The following VPS13B variants were observed in gnomAD, a reference collection of about 807,000 sequenced individuals.
VPS13B encodes the protein vacuolar protein sorting 13 homolog B, also known as intermembrane lipid transfer protein VPS13B.
Under a neutral mutation model 426.4 loss-of-function variants are expected in VPS13B, and 285 were observed. The observed-to-expected ratio is 0.67, with a 90% CI of 0.61 to 0.74. The LOEUF (loss-of-function observed/expected upper bound fraction) is 0.74, where lower values mean the gene tolerates loss of function less well. Among genes scored for constraint, VPS13B ranks in the 30% least tolerant of loss-of-function variants. The pLI, the probability that VPS13B is intolerant of heterozygous loss-of-function variation, is 0.00. For synonymous variants in VPS13B, 1,676 were observed against 1,676.4 expected (o/e 1.00, Z 0.01); for missense variants, 4,537 against 4,782.6 (o/e 0.95, Z 1.51).
At chr8:99,631,518 A>G (rs1828845883) in intron 33 of VPS13B, among the ~76,000 whole-genome samples, 1 of 152,114 alleles carries the variant, frequency 6.6e-6, no homozygotes, top group South Asian at 2.1e-4. Flanking sequence ...CAAAATAGGC[A>G]AAGTTTGGAA....
At chr8:99,736,228 A>G (rs1379576659) in intron 39 of VPS13B, among the ~76,000 whole-genome samples, 1 of 152,140 alleles carries the variant, frequency 6.6e-6, no homozygotes, top group Non-Finnish European at 1.5e-5. Context: ...TTATAGGTAG[A>G]GAGTTGAGTG....
chr8:99,323,969 A>G (rs1454547734), intron 19 of VPS13B, among the ~76,000 whole-genome samples: 2 of 152,200 alleles, frequency 1.3e-5, no homozygotes, highest in Non-Finnish European at 2.9e-5. Flanking sequence ...AAAACTGGCA[A>G]AGGACTCCCA....
chr8:99,101,531 CATTT>C (rs745643119), intron 4 of VPS13B, among the ~76,000 whole-genome samples: 4 of 152,278 alleles, frequency 2.6e-5, no homozygotes, highest in Non-Finnish European at 5.9e-5. Context: ...TTGGAGGTCT[CATTT>C]ATTAAGAATT....
intron 19 of VPS13B, among the ~76,000 whole-genome samples, chr8:99,375,408 A>G (rs1177460099): frequency 6.6e-6 from 1 of 152,220 alleles, no homozygotes; most frequent in African/African-American, 2.4e-5. Context: ...TGTTGCTACA[A>G]TGGGATAGAA....
At chr8:99,136,972 C>A (rs1190171644) in intron 12 of VPS13B, among the ~76,000 whole-genome samples, 2 of 151,996 alleles carry the variant, frequency 1.3e-5, no homozygotes, top group Non-Finnish European at 2.9e-5. Flanking sequence ...TTTTGTATAA[C>A]CTGTTAGAAT....
rs2133668316 is a variant in VPS13B at position 99,520,960 on chromosome 8, C to T, written c.4695C>T (p.Pro1565=). 6.2e-7 allele frequency: 1 copy of T among 1,613,722 alleles called. No individual in the cohort carries two copies. Among genetic ancestry groups the T allele is most frequent in the Admixed American group, 1.7e-5 (1 of 60,014 alleles). The change falls in exon 30 of 62, where the codon CCC becomes CCT. Residue 1565 remains proline, a synonymous_variant. Coordinates refer to ENST00000357162, the MANE Select transcript of VPS13B (RefSeq NM_152564.5). ...VLKIGSVAMA[P]QADNPLGRSV... ...AGATTGGCTCTGTTGCCATGGCTCC[C>T]CAGGCTGACAATCCCCTTGGCAGAT... is the stretch of plus-strand genomic sequence containing the variant.
chr8:99,249,166 C>T (rs571907557), intron 17 of VPS13B, among the ~76,000 whole-genome samples: 1 of 142,576 alleles, frequency 7.0e-6, no homozygotes, highest in Non-Finnish European at 1.6e-5. Flanking sequence ...TTTTGGTTTT[C>T]GCCACAGATC....
intron 19 of VPS13B, among the ~76,000 whole-genome samples, chr8:99,343,056 C>T (rs1446829971): frequency 6.6e-6 from 1 of 151,398 alleles, no homozygotes; most frequent in Non-Finnish European, 1.5e-5. Context: ...TTTTGAGAGA[C>T]ACAAATGGCA....
chr8:99,335,902 G>A (rs1358580458), intron 19 of VPS13B, among the ~76,000 whole-genome samples: 1 of 152,246 alleles, frequency 6.6e-6, no homozygotes, highest in South Asian at 2.1e-4. Flanking sequence ...ATGCTCATGG[G>A]TAGGAAGAAT....
At position 99,853,859 on chromosome 8, in the gene VPS13B, C is replaced by A. The variant is rs372875604; in HGVS notation, c.10470C>A (p.Ile3490=). The stretch of plus-strand genomic sequence containing the variant: ...TCACCTTAAATGAAGGCAAGAGCAT[C>A]CTCTGTGATATTAATGAGTTCAGCT... ...LCITLNEGKS[I]LCDINEFSFE... Residue 3490 remains isoleucine (I), a synonymous_variant, in exon 56 of 62, where the codon ATC becomes ATA. Coordinates refer to ENST00000357162, the MANE Select transcript of VPS13B (RefSeq NM_152564.5). 33 of 1,614,084 alleles carry A rather than the reference C, an allele frequency of 2.0e-5. No homozygotes were observed. The highest frequency in any genetic ancestry group is 2.8e-5 in the Non-Finnish European group (33 of 1,180,044).
intron 33 of VPS13B, among the ~76,000 whole-genome samples, chr8:99,640,086 GAAAAGAAAA>G (rs1423362003): frequency 6.8e-6 from 1 of 147,570 alleles, no homozygotes; most frequent in African/African-American, 2.5e-5. Context: ...GAAAAGAAAA[GAAAAGAAAA>G]GAAAAGAAAA....
At chr8:99,465,962 G>A (rs746028255) in intron 23 of VPS13B, among the ~76,000 whole-genome samples, 1 of 152,048 alleles carries the variant, frequency 6.6e-6, no homozygotes, top group Non-Finnish European at 1.5e-5. Flanking sequence ...ATTTGGTCAA[G>A]ACATTTTTAA....
In VPS13B at chr8:99,661,377, G is replaced by A; in HGVS notation, c.5932G>A (p.Ala1978Thr). Residue 1978 changes from alanine (A) to threonine (T), a missense_variant, in exon 35 of 62, where the codon GCC becomes ACC. Physicochemically the swap from Ala to Thr is moderately conservative, Grantham distance 58. This residue lies in a region of VPS13B where 4,311 missense variants were observed against 4,474.3 expected (regional missense o/e 0.96). Coordinates refer to ENST00000357162, the MANE Select transcript of VPS13B (RefSeq NM_152564.5). ...AGATCCTGGGAAGACTCTGCCTGAA[G>A]CCCTTGATTATTGCACTGTTTGGCT... Reference protein sequence around the residue: ...CIDPGKTLPEALDYCTVWLQT... With the variant: ...CIDPGKTLPETLDYCTVWLQT... 6.2e-7 allele frequency: 1 copy of A among 1,613,676 alleles called. No homozygotes were observed. The highest frequency in any genetic ancestry group is 1.3e-5 in the African/African-American group (1 of 75,028).
intron 19 of VPS13B, among the ~76,000 whole-genome samples, chr8:99,306,966 C>A (rs1246100258): frequency 6.6e-6 from 1 of 152,010 alleles, no homozygotes; most frequent in Non-Finnish European, 1.5e-5. Flanking sequence ...TGTGTGAGGT[C>A]TTTTTGAGCT....
At chr8:99,263,484 G>A (rs1818153114) in intron 17 of VPS13B, among the ~76,000 whole-genome samples, 1 of 152,174 alleles carries the variant, frequency 6.6e-6, no homozygotes, top group Non-Finnish European at 1.5e-5. Flanking sequence ...AAATCAAGGT[G>A]TCAGTTGGGC....
intron 39 of VPS13B, among the ~76,000 whole-genome samples, chr8:99,737,311 G>A (rs1047345662): frequency 6.6e-6 from 1 of 151,022 alleles, no homozygotes; most frequent in Non-Finnish European, 1.5e-5. Context: ...CAGTAGAGAC[G>A]GGGTTTCACC....
intron 35 of VPS13B, among the ~76,000 whole-genome samples, chr8:99,671,911 C>A (rs1830733423): frequency 6.6e-6 from 1 of 152,058 alleles, no homozygotes; most frequent in African/African-American, 2.4e-5. Flanking sequence ...TTCTTGACAC[C>A]TTTGTTGAGA....
At chr8:99,095,978 A>C (rs753205405) in intron 3 of VPS13B, among the ~76,000 whole-genome samples, 19 of 152,162 alleles carry the variant, frequency 1.2e-4, no homozygotes, top group Non-Finnish European at 2.6e-4. Context: ...ACTTACATAG[A>C]GATGGATGTT....
intron 22 of VPS13B, among the ~76,000 whole-genome samples, chr8:99,438,431 G>T (rs1335753907): frequency 2.6e-5 from 4 of 152,084 alleles, no homozygotes; most frequent in Non-Finnish European, 5.9e-5. Flanking sequence ...ATAAAAGTAA[G>T]ATTTTATATT....
Sources: gnomAD v4.1 joint callset for allele counts (sites outside exome capture counted in the v4.1 genomes callset) on GRCh38, gnomAD v4.1.1 for gene constraint, gnomAD v4.1.1 regional missense constraint, MANE v1.5 for transcripts, NCBI Gene and HGNC (gene_info 2026-07-23, HGNC 2026-07-21) for gene names.